GPATCH2L: variants seen among roughly 807,000 people sequenced by gnomAD.
GPATCH2L encodes G patch domain-containing protein 2-like.
GPATCH2L carries 31 observed loss-of-function variants against 57.4 expected under a neutral mutation model. That is an observed-to-expected ratio of 0.54 (90% CI 0.41 to 0.73). GPATCH2L has a LOEUF of 0.73. Ranked by LOEUF, GPATCH2L falls within the 30% of genes least tolerant of loss-of-function variation. The pLI is 0.00. For missense variants in GPATCH2L, 481 were observed against 599.9 expected (o/e 0.80, Z 2.07); for synonymous variants, 199 against 210.7 (o/e 0.94, Z 0.48).
rs1295737102 is a variant in GPATCH2L, at chr14:76,198,000, TTAATAAGGCTAG to T, written c.1288+2029_1288+2040del. Among the ~76,000 whole-genome samples the T allele has an allele frequency of 5.3e-5, 8 of 152,260 alleles. No homozygotes were observed. The East Asian group carries it at 1.2e-3, about 22-fold the overall frequency. Reference sequence around the variant, plus strand: ...TTGCAATTGACTGAATTTAAAGATATTAATAAGGCTAGAGAGGTGAAGAGCAGGAAGAAACAG... The same window carrying T: ...TTGCAATTGACTGAATTTAAAGATATAGAGGTGAAGAGCAGGAAGAAACAG... On this transcript the variant is annotated intron_variant, in intron 9 of 9. Coordinates refer to ENST00000261530, the MANE Select transcript of GPATCH2L (RefSeq NM_017926.4).
chr14:76,185,587 A>C (rs1457214507), intron 8 of GPATCH2L, among the ~76,000 whole-genome samples: 2 of 152,168 alleles, frequency 1.3e-5, no homozygotes, highest in Non-Finnish European at 2.9e-5. Context: ...CTCCAACTCA[A>C]AGGAAAGGTC....
rs1485949669 is a variant in GPATCH2L, at chr14:76,202,452, TCAGA to T, written c.*605_*608del. 2 of 152,706 alleles carry T rather than the reference TCAGA, an allele frequency of 1.3e-5. No individual in the cohort carries two copies. Among genetic ancestry groups the T allele is most frequent in the South Asian group, 2.1e-4 (1 of 4,828 alleles). 9.5% of individuals were successfully genotyped at this position (152,706 alleles called of 1,614,324 possible). On this transcript the variant is annotated 3_prime_UTR_variant, in exon 10 of 10. Coordinates refer to ENST00000261530, the MANE Select transcript of GPATCH2L (RefSeq NM_017926.4). Reference sequence around the variant, plus strand: ...TTTTTTGCAGATTGTCTGCAGAAACTCAGACAGCTCATCAGCAGCAGCAGCTGTA... The same window carrying T: ...TTTTTTGCAGATTGTCTGCAGAAACTCAGCTCATCAGCAGCAGCAGCTGTA...
chr14:76,203,922 G>A lies in GPATCH2L; in HGVS notation c.*2071G>A, dbSNP rs1440959354. 1 of 152,174 alleles carries A rather than the reference G, an allele frequency of 6.6e-6. No homozygotes were observed. The highest frequency in any genetic ancestry group is 2.4e-5 in the African/African-American group (1 of 41,450). The allele number at this position is 152,174 out of a possible 1,614,324, so 9.4% of individuals were successfully genotyped here. A position where few individuals can be genotyped will look rare whatever the true frequency, so the allele number is the denominator to read the frequency against. ...GGTCCCATGATCATGGCCTATTAGT[G>A]AAAACCTCCAAAGGTCAGGTGGCCA... On this transcript the variant is annotated 3_prime_UTR_variant, in exon 10 of 10. Coordinates refer to ENST00000261530, the MANE Select transcript of GPATCH2L (RefSeq NM_017926.4).
intron 1 of GPATCH2L, chr14:76,152,752 T>C: frequency 2.2e-6 from 1 of 456,134 alleles, no homozygotes; most frequent in Non-Finnish European, 4.4e-6. Context: ...TGTTCAAGTT[T>C]GTGCTGTTCT....
intron 7 of GPATCH2L, 49 bp from the exon 8 acceptor site, chr14:76,180,715 G>A: frequency 8.4e-7 from 1 of 1,188,080 alleles, no homozygotes; most frequent in Middle Eastern, 1.9e-4. Context: ...TTTAGGATCA[G>A]GTCCGTTTCA....
chr14:76,162,967 A>G (rs1368575682), intron 2 of GPATCH2L, among the ~76,000 whole-genome samples: 2 of 152,182 alleles, frequency 1.3e-5, no homozygotes, highest in South Asian at 2.1e-4. Context: ...AAGCAAAGGA[A>G]CACTTCTTCC....
At chr14:76,169,211 C>T (rs141378027) in intron 3 of GPATCH2L, among the ~76,000 whole-genome samples, 1 of 152,086 alleles carries the variant, frequency 6.6e-6, no homozygotes, top group Admixed American at 6.5e-5. Context: ...CTCTGTGGCT[C>T]CTTGTATTAT....
chr14:76,218,532 C>T (rs780561534), downstream of GPATCH2L, among the ~76,000 whole-genome samples: 13 of 151,772 alleles, frequency 8.6e-5, no homozygotes, highest in African/African-American at 2.9e-4. Flanking sequence ...CCCAAACAAA[C>T]GGGAAGATAC....
chr14:76,229,939 C>G (rs1457491698), exon 2 of GPATCH2L: 1 of 152,484 alleles, frequency 6.6e-6, no homozygotes, highest in Non-Finnish European at 1.5e-5. Flanking sequence ...CGTGAGTTCT[C>G]CAGCCTTTTC....
chr14:76,164,451 G>A, intron 2 of GPATCH2L, among the ~76,000 whole-genome samples: 1 of 152,036 alleles, frequency 6.6e-6, no homozygotes. Context: ...ATTGGGACGG[G>A]GGCTGCAAAA....
At chr14:76,234,822 G>C (rs2040590316) in intron 2 of GPATCH2L, 1 of 152,266 alleles carries the variant, frequency 6.6e-6, no homozygotes, top group Admixed American at 6.5e-5. Context: ...TGTAGATAAA[G>C]AGTGTGTGTT....
chr14:76,230,109 G>A (rs2040554104), intron 2 of GPATCH2L, among the ~76,000 whole-genome samples: 1 of 152,212 alleles, frequency 6.6e-6, no homozygotes, highest in Non-Finnish European at 1.5e-5. Context: ...AGCTCTCTGG[G>A]TTTCCTGGTG....
chr14:76,169,179 C>G (rs2038976600), intron 3 of GPATCH2L, among the ~76,000 whole-genome samples: 1 of 152,062 alleles, frequency 6.6e-6, no homozygotes, highest in Non-Finnish European at 1.5e-5. Flanking sequence ...GGGTTCTGGC[C>G]AATAGCCCTT....
intron 9 of GPATCH2L, chr14:76,196,358 C>T: frequency 2.6e-6 from 1 of 388,122 alleles, no homozygotes; most frequent in Middle Eastern, 6.7e-4. Context: ...ATTCTTACTG[C>T]TTTTATAAGT....
At chr14:76,219,536 G>A (rs934624331) in intron 1 of GPATCH2L, among the ~76,000 whole-genome samples, 10 of 152,056 alleles carry the variant, frequency 6.6e-5, no homozygotes, top group South Asian at 2.1e-4. Context: ...GCAATCCTAG[G>A]AATTTGTCCT....
chr14:76,183,076 T>C (rs1319541413), intron 8 of GPATCH2L, among the ~76,000 whole-genome samples: 1 of 152,274 alleles, frequency 6.6e-6, no homozygotes, highest in Non-Finnish European at 1.5e-5. Flanking sequence ...AGCTGTGCTG[T>C]GCTGAGATCA....
In GPATCH2L at chr14:76,203,781, G is replaced by A. The variant is rs1352225319; in HGVS notation, c.*1930G>A. On this transcript the variant is annotated 3_prime_UTR_variant, in exon 10 of 10. Coordinates refer to ENST00000261530, the MANE Select transcript of GPATCH2L (RefSeq NM_017926.4). ...ATGAGGTTAGATTTTGTTGTCATGT[G>A]CATTGTCACCATAGTGACCCGTGGC... 3 of 152,202 alleles carry A rather than the reference G, an allele frequency of 2.0e-5. No individual in the cohort carries two copies. Among genetic ancestry groups the A allele is most frequent in the African/African-American group, 7.2e-5 (3 of 41,452 alleles). The allele number at this position is 152,202 out of a possible 1,614,324, so 9.4% of individuals were successfully genotyped here. A position where few individuals can be genotyped will look rare whatever the true frequency, so the allele number is the denominator to read the frequency against.
chr14:76,200,106 C>A (rs915917889), intron 9 of GPATCH2L, among the ~76,000 whole-genome samples: 4 of 152,068 alleles, frequency 2.6e-5, no homozygotes, highest in Non-Finnish European at 4.4e-5. Context: ...CTTTTATAAG[C>A]TACTAGAATA....
intron 2 of GPATCH2L, among the ~76,000 whole-genome samples, chr14:76,155,595 C>T (rs1367850651): frequency 1.3e-5 from 2 of 152,106 alleles, no homozygotes; most frequent in African/African-American, 4.8e-5. Flanking sequence ...ATAACAGTAC[C>T]GAGTCCCATT....
Sources: allele counts gnomAD v4.1 joint callset (sites outside exome capture counted in the v4.1 genomes callset), GRCh38; gene constraint gnomAD v4.1.1; transcripts MANE v1.5; gene names NCBI Gene and HGNC (gene_info 2026-07-23, HGNC 2026-07-21).